Variants in ST6GALNAC3 observed in about 807,000 individuals in gnomAD.
The protein encoded by ST6GALNAC3 is ST6 N-acetylgalactosaminide alpha-2,6-sialyltransferase 3.
ST6GALNAC3 carries 25 observed loss-of-function variants against 32.7 expected under a neutral mutation model. That is an observed-to-expected ratio of 0.76 (90% CI 0.56 to 1.07). The LOEUF is 1.07. ST6GALNAC3 is among the 50% of genes least tolerant of loss of function. The pLI, the probability that ST6GALNAC3 is intolerant of heterozygous loss-of-function variation, is 0.00. For missense variants in ST6GALNAC3, 355 were observed against 382.4 expected (o/e 0.93, Z 0.60); for synonymous variants, 129 against 133.1 (o/e 0.97, Z 0.21).
chr1:76,452,975 CAG>C (rs1657516023), intron 3 of ST6GALNAC3, among the ~76,000 whole-genome samples: 1 of 152,158 alleles, frequency 6.6e-6, no homozygotes, highest in African/African-American at 2.4e-5. Flanking sequence ...TTCGTTCATT[CAG>C]AGTTTCTATT....
chr1:76,359,686 T>C (rs1649774070), intron 2 of ST6GALNAC3, among the ~76,000 whole-genome samples: 2 of 152,162 alleles, frequency 1.3e-5, no homozygotes, highest in Admixed American at 1.3e-4. Flanking sequence ...ATAGTAAGGA[T>C]AATTCTGGCT....
intron 1 of ST6GALNAC3, among the ~76,000 whole-genome samples, chr1:76,296,842 AT>A (rs1570730341): frequency 6.6e-6 from 1 of 151,946 alleles, no homozygotes; most frequent in Non-Finnish European, 1.5e-5. Flanking sequence ...CAACTTTATT[AT>A]TTTGGGAGAA....
intron 1 of ST6GALNAC3, among the ~76,000 whole-genome samples, chr1:76,261,637 A>T (rs1161682539): frequency 6.6e-6 from 1 of 152,210 alleles, no homozygotes; most frequent in Non-Finnish European, 1.5e-5. Flanking sequence ...GGACAAACAG[A>T]ATAATGTGCA....
intron 3 of ST6GALNAC3, among the ~76,000 whole-genome samples, chr1:76,617,356 C>A (rs1386765003): frequency 6.6e-6 from 1 of 151,468 alleles, no homozygotes; most frequent in Non-Finnish European, 1.5e-5. Context: ...CAACCTGTTA[C>A]AATCTTTTTT....
At chr1:76,404,209 C>G (rs1333316643) in intron 2 of ST6GALNAC3, among the ~76,000 whole-genome samples, 1 of 152,050 alleles carries the variant, frequency 6.6e-6, no homozygotes, top group African/African-American at 2.4e-5. Context: ...GCTAAACCAT[C>G]AGTTATCAAA....
At chr1:76,423,058 A>C (rs36017719) in intron 3 of ST6GALNAC3, among the ~76,000 whole-genome samples, 29,486 of 151,910 alleles carry the variant, frequency 0.19, 3,409 homozygotes, top group East Asian at 0.28. Context: ...ATTTGTGTGT[A>C]TGTTCAACCT....
At chr1:76,334,382 A>T (rs1183563593) in intron 2 of ST6GALNAC3, among the ~76,000 whole-genome samples, 1 of 152,140 alleles carries the variant, frequency 6.6e-6, no homozygotes, top group Non-Finnish European at 1.5e-5. Flanking sequence ...TCACAACAGC[A>T]TACAATAATC....
chr1:76,496,226 G>A (rs1309629729), intron 3 of ST6GALNAC3, among the ~76,000 whole-genome samples: 1 of 152,124 alleles, frequency 6.6e-6, no homozygotes, highest in Admixed American at 6.6e-5. Flanking sequence ...ACCAACTGCG[G>A]TACAAAAAGT....
At chr1:76,299,730 C>CAT (rs1346254134) in intron 1 of ST6GALNAC3, among the ~76,000 whole-genome samples, 21 of 152,086 alleles carry the variant, frequency 1.4e-4, no homozygotes, top group African/African-American at 2.9e-4. Flanking sequence ...GGACTAACTT[C>CAT]ATATATATAT....
At chr1:76,464,269 C>A (rs1385015838) in intron 3 of ST6GALNAC3, among the ~76,000 whole-genome samples, 1 of 152,146 alleles carries the variant, frequency 6.6e-6, no homozygotes, top group Non-Finnish European at 1.5e-5. Context: ...TTCCAGGAAG[C>A]CATCTTATTA....
At chr1:76,580,798 G>C (rs988708146) in intron 3 of ST6GALNAC3, among the ~76,000 whole-genome samples, 1 of 151,936 alleles carries the variant, frequency 6.6e-6, no homozygotes, top group African/African-American at 2.4e-5. Flanking sequence ...ATAAGAGAGA[G>C]TTGATATTGC....
chr1:76,467,933 T>G lies in ST6GALNAC3; in HGVS notation c.623+55516T>G, dbSNP rs1372443867. Among the ~76,000 whole-genome samples, 3 of 152,016 alleles carry G rather than the reference T, an allele frequency of 2.0e-5. No homozygotes were observed. In the East Asian group the frequency reaches 5.8e-4, roughly 29 times the overall value. ...AGTACTCAGGTAAGGACATTTCGTTTTAATGTAACGCCAGTGAGGAGCTTG... is the reference window on the plus strand; with the variant it reads ...AGTACTCAGGTAAGGACATTTCGTTGTAATGTAACGCCAGTGAGGAGCTTG... On this transcript the variant is annotated intron_variant, in intron 3 of 4. Transcript: ENST00000328299.
intron 1 of ST6GALNAC3, among the ~76,000 whole-genome samples, chr1:76,127,435 CTT>C (rs1649325959): frequency 6.6e-6 from 1 of 152,084 alleles, no homozygotes; most frequent in Admixed American, 6.6e-5. Context: ...AAAATGTAGA[CTT>C]AATTGCAAAT....
intron 2 of ST6GALNAC3, among the ~76,000 whole-genome samples, chr1:76,391,474 T>G (rs1652541800): frequency 1.3e-5 from 2 of 152,152 alleles, no homozygotes; most frequent in South Asian, 4.1e-4. Flanking sequence ...ACAAAACATT[T>G]GGATAATTGA....
chr1:76,285,681 G>A (rs534631366), intron 1 of ST6GALNAC3, among the ~76,000 whole-genome samples: 2 of 152,176 alleles, frequency 1.3e-5, no homozygotes, highest in South Asian at 2.1e-4. Context: ...GGCCAAAAAA[G>A]TCATTGTGCA....
chr1:76,474,413 G>C (rs1330491556), intron 3 of ST6GALNAC3, among the ~76,000 whole-genome samples: 1 of 152,082 alleles, frequency 6.6e-6, no homozygotes, highest in Non-Finnish European at 1.5e-5. Flanking sequence ...TGGGACAAAG[G>C]AGAAAGAGAA....
chr1:76,164,410 T>C (rs1423861019), intron 1 of ST6GALNAC3, among the ~76,000 whole-genome samples: 1 of 152,166 alleles, frequency 6.6e-6, no homozygotes, highest in Non-Finnish European at 1.5e-5. Context: ...AGTAGGCTTT[T>C]AGTAGATGGT....
intron 3 of ST6GALNAC3, among the ~76,000 whole-genome samples, chr1:76,551,666 G>C (rs1415829505): frequency 6.6e-6 from 1 of 152,130 alleles, no homozygotes; most frequent in Non-Finnish European, 1.5e-5. Context: ...TACTATTTCT[G>C]TGTGTTGGTA....
intron 3 of ST6GALNAC3, among the ~76,000 whole-genome samples, chr1:76,602,484 T>C (rs1227681142): frequency 6.6e-6 from 1 of 152,022 alleles, no homozygotes; most frequent in Non-Finnish European, 1.5e-5. Context: ...GCTTGAGAAC[T>C]CCCAAACCGT....
Sources: gnomAD v4.1 joint callset for allele counts (sites outside exome capture counted in the v4.1 genomes callset) on GRCh38, gnomAD v4.1.1 for gene constraint, MANE v1.5 for transcripts, NCBI Gene and HGNC (gene_info 2026-07-23, HGNC 2026-07-21) for gene names.